The following ISL2 variants were observed in gnomAD, a reference collection of about 807,000 sequenced individuals.
ISL2 encodes insulin gene enhancer protein ISL-2.
In ISL2, 17 loss-of-function variants were observed where a neutral mutation model predicts 34.6. The observed-to-expected ratio is 0.49, with a 90% confidence interval of 0.34 to 0.74. The LOEUF is 0.74. ISL2 is among the 30% of genes least tolerant of loss of function. The pLI, the probability that ISL2 is intolerant of heterozygous loss-of-function variation, is 0.01. For synonymous variants in ISL2, 232 were observed against 225.5 expected, an observed-to-expected ratio of 1.03 and a Z score of -0.26; for missense variants, 469 against 515.2, an observed-to-expected ratio of 0.91 and a Z score of 0.87.
chr15:76,338,834 C>T (rs2040172289), intron 3 of ISL2: 1 of 985,084 alleles, frequency 1.0e-6, no homozygotes, highest in South Asian at 4.7e-5. Context: ...AAGTGGTGTC[C>T]GTCTTGGGGC....
chr15:76,339,679 G>A, intron 3 of ISL2: 1 of 985,782 alleles, frequency 1.0e-6, no homozygotes, highest in Non-Finnish European at 1.2e-6. Context: ...CGAAGCCCAA[G>A]GGCGGGCAGG....
rs545987313 is a variant in ISL2 at position 76,340,305 on chromosome 15, C to G, written c.541C>G (p.Arg181Gly). ...TGGGTCGGGCCGGCAGCCCGCGTTGCGCCCGCACGTGCACAAGCAGACGGA... is the reference window on the plus strand; with the variant it reads ...TGGGTCGGGCCGGCAGCCCGCGTTGGGCCCGCACGTGCACAAGCAGACGGA... ...DAGSGRQPAL[R>G]PHVHKQTEKT... The change falls in exon 4 of 6, where the codon CGC becomes GGC. Residue 181 changes from arginine to glycine, a missense_variant. Arg to Gly is a moderately radical substitution (Grantham distance 125). This residue lies in a region of ISL2 where 297 missense variants were observed against 337.8 expected (regional missense o/e 0.88). Coordinates refer to ENST00000290759, the MANE Select transcript of ISL2 (RefSeq NM_145805.3). 2 of 1,608,726 alleles carry G rather than the reference C, an allele frequency of 1.2e-6. No individual in the cohort carries two copies. The highest frequency in any genetic ancestry group is 2.2e-5 in the South Asian group (2 of 90,880).
chr15:76,338,453 C>A lies in ISL2; in HGVS notation c.450C>A (p.Ala150=). The A allele has an allele frequency of 4.9e-6, 7 of 1,426,242 alleles. No homozygotes were observed. The highest frequency in any genetic ancestry group is 5.5e-6 in the Non-Finnish European group (6 of 1,092,762). 88.3% of individuals were successfully genotyped at this position (1,426,242 alleles called of 1,614,324 possible). A position where few individuals can be genotyped will look rare whatever the true frequency, so the allele number is the denominator to read the frequency against. The change falls in exon 3 of 6, where the codon GCC becomes GCA. Residue 150 remains alanine, a synonymous_variant. Transcript: ENST00000290759. ...RADHGLLLER[A]AAGSPRSPGP... ...ACCACGGCCTCCTGCTCGAGCGCGC[C>A]GCGGCCGGCAGCCCGCGCAGCCCCG...
Position 76,340,327 on chromosome 15 carries a change from C to T in ISL2, c.563C>T (p.Thr188Met), listed in dbSNP as rs1290505874. Residue 188 changes from threonine (T) to methionine (M), a missense_variant, in exon 4 of 6, where the codon ACG becomes ATG. This residue lies in a region of ISL2 where 297 missense variants were observed against 337.8 expected (regional missense o/e 0.88). Coordinates refer to ENST00000290759, the MANE Select transcript of ISL2 (RefSeq NM_145805.3). ...TTGCGCCCGCACGTGCACAAGCAGA[C>T]GGAGAAGACGACCCGCGTGCGGACT... ...PALRPHVHKQ[T>M]EKTTRVRTVL... is the part of the protein sequence containing the mutation. 8 of 1,611,690 alleles carry T rather than the reference C, an allele frequency of 5.0e-6. No individual in the cohort carries two copies. The highest frequency in any genetic ancestry group is 1.1e-5 in the South Asian group (1 of 91,006).
At chr15:76,340,223 G>C in intron 3 of ISL2, 53 bp from the exon 4 acceptor site, 1 of 1,485,272 alleles carries the variant, frequency 6.7e-7, no homozygotes, top group Non-Finnish European at 8.9e-7. Flanking sequence ...TTGGGCTCGG[G>C]GCGGGTGGGT....
chr15:76,341,196 C>G lies in ISL2; in HGVS notation c.858C>G (p.Ala286=). Residue 286 remains alanine, a synonymous_variant, in exon 5 of 6, where the codon GCC becomes GCG. Transcript: ENST00000290759. The stretch of plus-strand genomic sequence containing the variant: ...GCAGTCCCATCCGCCATGAGAACGC[C>G]GTGCAGGGCAGCGCAGTGGAGGTGC... ...VAGSPIRHEN[A]VQGSAVEVQT... The G allele has an allele frequency of 3.1e-6, 5 of 1,612,942 alleles. No individual in the cohort carries two copies. The highest frequency in any genetic ancestry group is 4.2e-6 in the Non-Finnish European group (5 of 1,179,910).
rs2040198529 is a variant in ISL2, at chr15:76,342,062, C to T, written c.*227C>T. 3 of 488,988 alleles carry T rather than the reference C, an allele frequency of 6.1e-6. No individual in the cohort carries two copies. In the South Asian group the frequency reaches 8.9e-5, roughly 14 times the overall value. The allele number at this position is 488,988 out of a possible 1,614,324, so 30.3% of individuals were successfully genotyped here. ...TCCGAGGACTCTTAGTTTTTCAAAA[C>T]CAGAATCTGGGACTTACCAGGGTTA... On this transcript the variant is annotated 3_prime_UTR_variant, in exon 6 of 6. Coordinates refer to ENST00000290759, the MANE Select transcript of ISL2 (RefSeq NM_145805.3).
Position 76,339,849 on chromosome 15 carries a change from G to T in ISL2, c.512-427G>T, listed in dbSNP as rs190185531. On this transcript the variant is annotated intron_variant, in intron 3 of 5. Transcript: ENST00000290759. ...CACCCAGTCCCCTGGGCAGCGCCTC[G>T]CCCTGGGTCCACGTCGGTCCCTTTC... The T allele has an allele frequency of 5.0e-6, 5 of 1,005,174 alleles. No homozygotes were observed. In the Admixed American group the frequency reaches 2.1e-4, roughly 43 times the overall value. 62.3% of individuals were successfully genotyped at this position (1,005,174 alleles called of 1,614,324 possible).
Position 76,342,065 on chromosome 15 carries a change from G to C in ISL2, c.*230G>C. On this transcript the variant is annotated 3_prime_UTR_variant, in exon 6 of 6. Transcript: ENST00000290759. ...GAGGACTCTTAGTTTTTCAAAACCA[G>C]AATCTGGGACTTACCAGGGTTAGCT... The C allele has an allele frequency of 2.1e-6, 1 of 482,970 alleles. No individual in the cohort carries two copies. Among genetic ancestry groups the C allele is most frequent in the Non-Finnish European group, 3.7e-6 (1 of 268,820 alleles). The allele number at this position is 482,970 out of a possible 1,614,324, so 29.9% of individuals were successfully genotyped here.
rs758681249 is a variant in ISL2, at chr15:76,340,412, C to G, written c.648C>G (p.Pro216=). ...LRTCYAANPR[P]DALMKEQLVE... is the part of the protein sequence containing the mutation. ...CCTGCTACGCCGCCAACCCGCGGCCCGACGCTCTCATGAAGGAGCAGCTGG... is the reference window on the plus strand; with the variant it reads ...CCTGCTACGCCGCCAACCCGCGGCCGGACGCTCTCATGAAGGAGCAGCTGG... Residue 216 remains proline, a synonymous_variant, in exon 4 of 6, where the codon CCC becomes CCG. Transcript: ENST00000290759. 1.2e-6 allele frequency: 2 copies of G among 1,613,594 alleles called. No individual in the cohort carries two copies. The highest frequency in any genetic ancestry group is 1.7e-5 in the Admixed American group (1 of 60,014).
Position 76,340,568 on chromosome 15 carries a change from C to CCGGG in ISL2, c.795+11_795+12insGGCG. 1 of 1,596,060 alleles carries CCGGG rather than the reference C, an allele frequency of 6.3e-7. No individual in the cohort carries two copies. The highest frequency in any genetic ancestry group is 8.6e-7 in the Non-Finnish European group (1 of 1,168,322). ...AGCACAGCGACAAGACGGTGAGCAGCCGCTGGGCCGGAGGCTCGAGTCGGG... is the reference window on the plus strand; with the variant it reads ...AGCACAGCGACAAGACGGTGAGCAGCCGGGCGCTGGGCCGGAGGCTCGAGTCGGG... On this transcript the variant is annotated intron_variant, in intron 4 of 5. Transcript: ENST00000290759.
rs191767070 is a variant in ISL2, at chr15:76,337,075, G to A, written c.58+134G>A. ...CAGAATAGTTTAGGAGAGGAAAAACGAATGCATGTCTCCTGCAGGACTGCT... is the reference window on the plus strand; with the variant it reads ...CAGAATAGTTTAGGAGAGGAAAAACAAATGCATGTCTCCTGCAGGACTGCT... On this transcript the variant is annotated intron_variant, in intron 1 of 5. Transcript: ENST00000290759. The A allele has an allele frequency of 3.8e-4, 286 of 760,676 alleles. No individual in the cohort carries two copies. The African/African-American group carries it at 4.6e-3, about 12-fold the overall frequency. 47.1% of individuals were successfully genotyped at this position (760,676 alleles called of 1,614,324 possible).
In ISL2 at chr15:76,340,564, GCAGCCGCTGGGCCGGAGGCTCGAGT is replaced by G; in HGVS notation, c.795+7_795+31del. ...CAGCAGCACAGCGACAAGACGGTGA[GCAGCCGCTGGGCCGGAGGCTCGAGT>G]CGGGTGGGGGCTGCGCTTCCGCCGC... On this transcript the variant is annotated splice_donor_region_variant and intron_variant, in intron 4 of 5. Coordinates refer to ENST00000290759, the MANE Select transcript of ISL2 (RefSeq NM_145805.3). 1 of 1,602,166 alleles carries G rather than the reference GCAGCCGCTGGGCCGGAGGCTCGAGT, an allele frequency of 6.2e-7. No individual in the cohort carries two copies. The highest frequency in any genetic ancestry group is 1.1e-5 in the South Asian group (1 of 90,292).
At chr15:76,340,840 T>C (rs574370249) in intron 4 of ISL2, among the ~76,000 whole-genome samples, 1 of 152,326 alleles carries the variant, frequency 6.6e-6, no homozygotes, top group South Asian at 2.1e-4. Flanking sequence ...CGCCCGCCAG[T>C]CGGGCTGGTG....
chr15:76,340,347 C>A lies in ISL2; in HGVS notation c.583C>A (p.Arg195=). The change falls in exon 4 of 6, where the codon CGG becomes AGG. Residue 195 remains arginine (R), a synonymous_variant. Coordinates refer to ENST00000290759, the MANE Select transcript of ISL2 (RefSeq NM_145805.3). ...HKQTEKTTRV[R]TVLNEKQLHT... is the part of the protein sequence containing the mutation. Reference sequence around the variant, plus strand: ...GCAGACGGAGAAGACGACCCGCGTGCGGACTGTGCTGAACGAGAAGCAGCT... The same window carrying A: ...GCAGACGGAGAAGACGACCCGCGTGAGGACTGTGCTGAACGAGAAGCAGCT... 6.2e-7 allele frequency: 1 copy of A among 1,612,838 alleles called. No individual in the cohort carries two copies.
chr15:76,338,080 A>G, intron 2 of ISL2, 113 bp downstream of exon 2: 2 of 1,313,300 alleles, frequency 1.5e-6, no homozygotes, highest in Non-Finnish European at 2.0e-6. Flanking sequence ...GGCCATCCGC[A>G]TCCCGCACGG....
At chr15:76,339,766 A>G (rs1182728501) in intron 3 of ISL2, 2 of 992,954 alleles carry the variant, frequency 2.0e-6, no homozygotes, top group African/African-American at 3.5e-5. Context: ...GGCCCTGTCC[A>G]AATGGGCTCT....
At chr15:76,337,571 C>A in intron 1 of ISL2, 2 of 469,908 alleles carry the variant, frequency 4.3e-6, no homozygotes, top group African/African-American at 2.0e-5. Context: ...GGGTGGGGGA[C>A]AGAAGAAACC....
intron 4 of ISL2, 53 bp from the exon 5 acceptor site, chr15:76,341,081 C>A: frequency 6.8e-7 from 1 of 1,480,888 alleles, no homozygotes; most frequent in Non-Finnish European, 9.0e-7. Flanking sequence ...TCAAAGGTGG[C>A]AGAAAAGGCC....
Sources: allele counts gnomAD v4.1 joint callset (sites outside exome capture counted in the v4.1 genomes callset), GRCh38; gene constraint gnomAD v4.1.1; regional missense constraint gnomAD v4.1.1; transcripts MANE v1.5; gene names NCBI Gene and HGNC (gene_info 2026-07-23, HGNC 2026-07-21).